The following CACNA2D1 variants were observed in gnomAD, a reference collection of about 807,000 sequenced individuals.
CACNA2D1 encodes the protein voltage-dependent calcium channel subunit alpha-2/delta-1.
A neutral mutation model predicts 171.5 loss-of-function variants in CACNA2D1; 53 were observed. The ratio of observed to expected loss-of-function variants is 0.31; its 90% CI spans 0.25 to 0.39. The LOEUF is 0.39. Among genes scored for constraint, CACNA2D1 ranks in the 10% least tolerant of loss-of-function variants. The pLI is 1.00. For synonymous variants in CACNA2D1, 442 were observed against 443.1 expected (o/e 1.00, Z 0.03); for missense variants, 903 against 1,299.8 (o/e 0.69, Z 4.69).
At chr7:82,146,455 T>TATATATTTATATATATCTTTAC (rs1793100590) in intron 4 of CACNA2D1, among the ~76,000 whole-genome samples, 1 of 145,434 alleles carries the variant, frequency 6.9e-6, no homozygotes, top group African/African-American at 2.5e-5. Context: ...TATATAAAGA[T>TATATATTTATATATATCTTTAC]ATATATAAAT....
Position 82,007,709 on chromosome 7 carries a change from G to T in CACNA2D1, c.1410C>A (p.Thr470=), listed in dbSNP as rs771969809. Residue 470 remains threonine, a synonymous_variant, in exon 16 of 39, where the codon ACC becomes ACA. Transcript: ENST00000356860. ...ITGTLPVFNI[T]GQFENKTNLK... is the part of the protein sequence containing the mutation. ...AGTTTGTCTTATTTTCAAATTGGCC[G>T]GTTATGTTGAAGACCGGAAGAGTTC... The T allele has an allele frequency of 6.3e-7, 1 of 1,597,392 alleles. No homozygotes were observed. The highest frequency in any genetic ancestry group is 8.6e-7 in the Non-Finnish European group (1 of 1,165,426).
chr7:82,374,347 A>G (rs1822763194), intron 1 of CACNA2D1, among the ~76,000 whole-genome samples: 1 of 152,218 alleles, frequency 6.6e-6, no homozygotes, highest in Admixed American at 6.5e-5. Flanking sequence ...ATTAACAGGA[A>G]TCACCCATTC....
At chr7:82,361,653 CT>C (rs1821091485) in intron 1 of CACNA2D1, among the ~76,000 whole-genome samples, 1 of 152,062 alleles carries the variant, frequency 6.6e-6, no homozygotes, top group African/African-American at 2.4e-5. Context: ...AGAAAAAGCA[CT>C]TTGTATAACT....
intron 14 of CACNA2D1, 70 bp downstream of exon 14, chr7:82,013,391 A>G: frequency 1.6e-6 from 1 of 609,362 alleles, no homozygotes; most frequent in Non-Finnish European, 2.5e-6. Context: ...CTCCATATTG[A>G]GCATATTTAA....
intron 20 of CACNA2D1, 152 bp downstream of exon 20, chr7:81,994,716 G>A (rs1247323186): frequency 3.5e-6 from 2 of 565,746 alleles, no homozygotes; most frequent in Non-Finnish European, 6.3e-6. Flanking sequence ...TATCCCTCCA[G>A]CTAAGAAGTG....
At chr7:82,436,869 CAT>C (rs1231869779) in intron 1 of CACNA2D1, among the ~76,000 whole-genome samples, 9 of 152,188 alleles carry the variant, frequency 5.9e-5, no homozygotes, top group South Asian at 2.1e-4. Context: ...CATCCCTTCA[CAT>C]AGTTTGACAG....
Position 82,443,738 on chromosome 7 carries a change from C to G in CACNA2D1, c.-279G>C. 8.2e-7 allele frequency: 1 copy of G among 1,218,540 alleles called. No homozygotes were observed. The highest frequency in any genetic ancestry group is 1.0e-6 in the Non-Finnish European group (1 of 976,146). The allele number at this position is 1,218,540 out of a possible 1,614,324, so 75.5% of individuals were successfully genotyped here. On this transcript the variant is annotated 5_prime_UTR_variant, in exon 1 of 39. Coordinates refer to ENST00000356860, the MANE Select transcript of CACNA2D1 (RefSeq NM_000722.4). The stretch of plus-strand genomic sequence containing the variant: ...CCGCCATCAAGGGCGACTTTGGAAA[C>G]AGACCTCGGCGAGCCCGCCGGCGCT...
At chr7:81,950,575 A>G in intron 38 of CACNA2D1, 67 bp from the exon 39 acceptor site, 1 of 1,534,282 alleles carries the variant, frequency 6.5e-7, no homozygotes, top group South Asian at 1.2e-5. Context: ...AATATTTAGT[A>G]ACACATCTTT....
chr7:82,382,934 C>G (rs73155174), intron 1 of CACNA2D1, among the ~76,000 whole-genome samples: 9,197 of 152,196 alleles, frequency 0.06, 329 homozygotes, highest in South Asian at 0.088. Context: ...ATTTACAGAA[C>G]ACTTACTAAG....
chr7:82,198,265 G>A (rs1799053168), intron 3 of CACNA2D1, among the ~76,000 whole-genome samples: 1 of 152,112 alleles, frequency 6.6e-6, no homozygotes, highest in South Asian at 2.1e-4. Flanking sequence ...GAAGCAGTAG[G>A]ATGGGAGGAA....
intron 3 of CACNA2D1, among the ~76,000 whole-genome samples, chr7:82,281,064 T>C (rs1810036219): frequency 6.6e-6 from 1 of 152,182 alleles, no homozygotes; most frequent in Non-Finnish European, 1.5e-5. Flanking sequence ...AGATGTAAAG[T>C]GTGATTCAGT....
rs546794276 is a variant in CACNA2D1 at position 82,111,947 on chromosome 7, C to A, written c.526+5097G>T. 7.6e-4 allele frequency among the ~76,000 whole-genome samples: 115 copies of A among 151,644 alleles called. 1 individual carries two copies. Among genetic ancestry groups the A allele is most frequent in the African/African-American group, 2.7e-3 (111 of 41,334 alleles). On this transcript the variant is annotated intron_variant, in intron 6 of 38. Coordinates refer to ENST00000356860, the MANE Select transcript of CACNA2D1 (RefSeq NM_000722.4). ...CAAAATATTTGTTAAATAAAATATG[C>A]CAAATACAGGTCAAAATATTGTACA... is the stretch of plus-strand genomic sequence containing the variant.
intron 6 of CACNA2D1, 79 bp downstream of exon 6, chr7:82,116,965 T>C (rs528577238): frequency 6.7e-7 from 1 of 1,495,130 alleles, no homozygotes; most frequent in Admixed American, 1.7e-5. Flanking sequence ...TTTGCTCTTT[T>C]TTTTCCCCCT....
chr7:81,950,138 T>C lies in CACNA2D1; in HGVS notation c.*254A>G. The C allele has an allele frequency of 5.8e-6, 3 of 519,858 alleles. No homozygotes were observed. The highest frequency in any genetic ancestry group is 3.2e-5 in the East Asian group (1 of 30,962). 32.2% of individuals were successfully genotyped at this position (519,858 alleles called of 1,614,324 possible). Reference sequence around the variant, plus strand: ...AACAACAAACTCCCAAATTTTCCAATAGAGGACACGTATAGGATTTTGCTT... The same window carrying C: ...AACAACAAACTCCCAAATTTTCCAACAGAGGACACGTATAGGATTTTGCTT... On this transcript the variant is annotated 3_prime_UTR_variant, in exon 39 of 39. Transcript: ENST00000356860.
At position 82,361,694 on chromosome 7, in the gene CACNA2D1, C is replaced by T. The variant is rs568970914; in HGVS notation, c.96-12045G>A. The stretch of plus-strand genomic sequence containing the variant: ...CCAATAGAAGCTTGCATATCATACG[C>T]TCAGTAGATTAAAAACATGCTTTAA... On this transcript the variant is annotated intron_variant, in intron 1 of 38. Transcript: ENST00000356860. Among the ~76,000 whole-genome samples the T allele has an allele frequency of 2.6e-5, 4 of 152,160 alleles. No homozygotes were observed. The East Asian group carries it at 7.7e-4, about 29-fold the overall frequency.
intron 3 of CACNA2D1, among the ~76,000 whole-genome samples, chr7:82,303,578 A>T (rs1325661603): frequency 1.3e-5 from 2 of 152,178 alleles, no homozygotes; most frequent in Admixed American, 1.3e-4. Context: ...TGGCATTGCT[A>T]TAAAAATAGA....
intron 1 of CACNA2D1, among the ~76,000 whole-genome samples, chr7:82,356,656 A>AT (rs199972695): frequency 8.5e-4 from 130 of 152,072 alleles, no homozygotes; most frequent in Admixed American, 1.6e-3. Context: ...TTGCACTACC[A>AT]TTTTTTTAAA....
At chr7:82,055,265 G>C (rs558190340) in intron 10 of CACNA2D1, among the ~76,000 whole-genome samples, 19 of 152,182 alleles carry the variant, frequency 1.2e-4, no homozygotes, top group African/African-American at 4.3e-4. Flanking sequence ...AGTAACCTGT[G>C]ACCCTTAGTT....
At chr7:82,354,536 C>G (rs1317331323) in intron 1 of CACNA2D1, among the ~76,000 whole-genome samples, 1 of 152,118 alleles carries the variant, frequency 6.6e-6, no homozygotes, top group Non-Finnish European at 1.5e-5. Context: ...ATAACTAGAA[C>G]AAAAGTTGAG....
Sources: allele counts gnomAD v4.1 joint callset (sites outside exome capture counted in the v4.1 genomes callset), GRCh38; gene constraint gnomAD v4.1.1; transcripts MANE v1.5; gene names NCBI Gene and HGNC (gene_info 2026-07-23, HGNC 2026-07-21).